SIRPG: variants seen among roughly 807,000 people sequenced by gnomAD.
The protein encoded by SIRPG is signal regulatory protein gamma.
SIRPG carries 38 observed loss-of-function variants against 35.7 expected under a neutral mutation model. The observed-to-expected ratio is 1.06, with a 90% CI of 0.82 to 1.40. SIRPG has a LOEUF of 1.40. Among genes scored for constraint, SIRPG ranks in the 40% most tolerant of loss-of-function variants. The pLI, the probability that SIRPG is intolerant of heterozygous loss-of-function variation, is 0.00. For missense variants in SIRPG, 519 were observed against 483.0 expected (o/e 1.07, Z -0.70); for synonymous variants, 215 against 190.4 (o/e 1.13, Z -1.06).
In SIRPG at chr20:1,649,107, C is replaced by T. The variant is rs1263661521; in HGVS notation, c.375G>A (p.Gly125=). ...ACTTAAACTCCACGTTCTCAGGGCT[C>T]CCTTTTCGAAACTTCACACAGTAGT... ...GTYYCVKFRK[G]SPENVEFKSG... is the part of the protein sequence containing the mutation. The change falls in exon 2 of 6, where the codon GGG becomes GGA. Residue 125 remains glycine, a synonymous_variant. Transcript: ENST00000303415. 2 of 1,613,920 alleles carry T rather than the reference C, an allele frequency of 1.2e-6. No homozygotes were observed. The highest frequency in any genetic ancestry group is 2.2e-5 in the South Asian group (2 of 91,068).
At chr20:1,642,822 A>C (rs530782930) in intron 2 of SIRPG, among the ~76,000 whole-genome samples, 3 of 152,260 alleles carry the variant, frequency 2.0e-5, no homozygotes, top group African/African-American at 7.2e-5. Flanking sequence ...TCTCCTTCAC[A>C]TATGAAGCTT....
the SIRPG span, among the ~76,000 whole-genome samples, chr20:1,664,444 G>C: frequency 6.6e-6 from 1 of 152,164 alleles, no homozygotes; most frequent in African/African-American, 2.4e-5. Flanking sequence ...GCTGGAGAGA[G>C]TCTGTGGTTT....
At chr20:1,666,560 G>C in the SIRPG span, 1 of 152,216 alleles carries the variant, frequency 6.6e-6, no homozygotes, top group Non-Finnish European at 1.5e-5. Flanking sequence ...GGTGAAAACT[G>C]TCATACTGAT....
chr20:1,668,199 T>TTTTCTTTCTTTC, the SIRPG span, among the ~76,000 whole-genome samples: 5,559 of 66,924 alleles, frequency 0.083, 175 homozygotes, highest in Middle Eastern at 0.14. Flanking sequence ...TTTTCTTTTC[T>TTTTCTTTCTTTC]TTTCTTTCTT....
the SIRPG span, among the ~76,000 whole-genome samples, chr20:1,686,377 G>T: frequency 1.3e-5 from 2 of 152,164 alleles, no homozygotes; most frequent in African/African-American, 4.8e-5. Context: ...GGACCAGGAG[G>T]GTGGGGCCAG....
At chr20:1,654,130 T>C (rs1415363861) in intron 1 of SIRPG, among the ~76,000 whole-genome samples, 2 of 151,676 alleles carry the variant, frequency 1.3e-5, no homozygotes, top group African/African-American at 4.9e-5. Context: ...TCCCAGCTAC[T>C]TGGGAGGCTG....
chr20:1,672,964 C>T, the SIRPG span, among the ~76,000 whole-genome samples: 1 of 152,120 alleles, frequency 6.6e-6, no homozygotes, highest in African/African-American at 2.4e-5. Flanking sequence ...ACTCATCCTG[C>T]GTCCTGAAAG....
intron 2 of SIRPG, among the ~76,000 whole-genome samples, chr20:1,642,588 T>C (rs111399419): frequency 2.0e-4 from 31 of 152,234 alleles, no homozygotes; most frequent in Non-Finnish European, 4.3e-4. Context: ...AATATTGTTA[T>C]GTGTGAATTT....
chr20:1,646,328 C>T (rs2091897138), intron 2 of SIRPG: 1 of 152,318 alleles, frequency 6.6e-6, no homozygotes, highest in South Asian at 2.1e-4. Flanking sequence ...TCCTGTCAGC[C>T]TGAGGGGAGC....
the SIRPG span, among the ~76,000 whole-genome samples, chr20:1,663,225 A>G: frequency 6.6e-6 from 1 of 152,290 alleles, no homozygotes; most frequent in South Asian, 2.1e-4. Flanking sequence ...AGGCAGGAGA[A>G]TGGCGTGAAC....
At chr20:1,673,631 A>G in the SIRPG span, among the ~76,000 whole-genome samples, 1 of 152,088 alleles carries the variant, frequency 6.6e-6, no homozygotes, top group Non-Finnish European at 1.5e-5. Flanking sequence ...AAATGACAAA[A>G]GGAGCAGAAA....
intron 1 of SIRPG, among the ~76,000 whole-genome samples, chr20:1,651,870 A>C (rs755718735): frequency 6.6e-6 from 1 of 152,174 alleles, no homozygotes; most frequent in African/African-American, 2.4e-5. Context: ...AGAGCACAGG[A>C]TGTTATAGCA....
intron 2 of SIRPG, among the ~76,000 whole-genome samples, chr20:1,648,647 T>TAAAATAAAAA (rs1293068640): frequency 1.3e-5 from 2 of 150,336 alleles, no homozygotes; most frequent in Admixed American, 6.6e-5. Flanking sequence ...TAAAATAAAA[T>TAAAATAAAAA]AAATAAAAAA....
chr20:1,675,927 A>G, the SIRPG span, among the ~76,000 whole-genome samples: 437 of 152,196 alleles, frequency 2.9e-3, 1 homozygote, highest in African/African-American at 0.01. Flanking sequence ...CCTCCTTCCT[A>G]GAACTGGTTA....
Position 1,657,763 on chromosome 20 carries a change from A to G in SIRPG, c.-49T>C. On this transcript the variant is annotated 5_prime_UTR_variant, in exon 1 of 6. Transcript: ENST00000303415. ...CTGTTCAAACGTCTGTTCTGGGGAG[A>G]TGTCAGGCCCTGCTCTGAAGACAGA... 6.4e-7 allele frequency: 1 copy of G among 1,554,976 alleles called. No individual in the cohort carries two copies. The highest frequency in any genetic ancestry group is 1.7e-4 in the Middle Eastern group (1 of 5,906).
At chr20:1,669,151 T>C in the SIRPG span, among the ~76,000 whole-genome samples, 1 of 152,216 alleles carries the variant, frequency 6.6e-6, no homozygotes, top group African/African-American at 2.4e-5. Context: ...TTTCTCTAAT[T>C]AGCACAAATT....
the SIRPG span, among the ~76,000 whole-genome samples, chr20:1,686,259 C>T: frequency 1.3e-5 from 2 of 151,946 alleles, no homozygotes; most frequent in African/African-American, 2.4e-5. Flanking sequence ...GTCTGGAATC[C>T]CTGAAAGCCC....
intron 1 of SIRPG, among the ~76,000 whole-genome samples, chr20:1,654,331 G>A (rs2091962171): frequency 6.6e-6 from 1 of 151,936 alleles, no homozygotes; most frequent in Non-Finnish European, 1.5e-5. Flanking sequence ...GCATGGCACT[G>A]GCATAAAAAG....
intron 1 of SIRPG, among the ~76,000 whole-genome samples, chr20:1,656,258 C>T (rs555300662): frequency 2.1e-4 from 32 of 152,310 alleles, no homozygotes; most frequent in South Asian, 1.2e-3. Flanking sequence ...TGGACTTGAT[C>T]CCAACTGCTC....
Sources: gnomAD v4.1 joint callset for allele counts (sites outside exome capture counted in the v4.1 genomes callset) on GRCh38, gnomAD v4.1.1 for gene constraint, MANE v1.5 for transcripts, NCBI Gene and HGNC (gene_info 2026-07-23, HGNC 2026-07-21) for gene names.